Variants in CRACDL observed in about 807,000 individuals in gnomAD.
The protein encoded by CRACDL is CRACD like.
In CRACDL, 26 loss-of-function variants were observed where a neutral mutation model predicts 70.6. That is an observed-to-expected ratio of 0.37 (90% CI 0.27 to 0.51). CRACDL has a LOEUF of 0.51. CRACDL is among the 20% of genes least tolerant of loss of function. CRACDL has a pLI of 0.94. For missense variants in CRACDL, 1,283 were observed against 1,376.9 expected (o/e 0.93, Z 1.08); for synonymous variants, 618 against 615.2 (o/e 1.00, Z -0.07).
At chr2:98,839,884 T>C (rs998705407) in intron 2 of CRACDL, among the ~76,000 whole-genome samples, 3 of 152,222 alleles carry the variant, frequency 2.0e-5, no homozygotes, top group Non-Finnish European at 4.4e-5. Context: ...CTGATATTAA[T>C]TATCATAAAT....
At chr2:98,925,362 C>T (rs1167966682) in intron 1 of CRACDL, among the ~76,000 whole-genome samples, 4 of 152,172 alleles carry the variant, frequency 2.6e-5, no homozygotes, top group East Asian at 1.9e-4. Context: ...TCCAAGTTCT[C>T]GGCTTGAGAC....
intron 7 of CRACDL, among the ~76,000 whole-genome samples, chr2:98,802,479 A>G (rs1176126843): frequency 6.6e-6 from 1 of 152,230 alleles, no homozygotes; most frequent in African/African-American, 2.4e-5. Context: ...TTACTGAGCT[A>G]TTTGTATTCG....
chr2:98,796,791 C>G (rs1412381044), intron 8 of CRACDL, among the ~76,000 whole-genome samples: 1 of 152,114 alleles, frequency 6.6e-6, no homozygotes, highest in Non-Finnish European at 1.5e-5. Context: ...AATTGCGAGT[C>G]TCGGCCTGAT....
intron 1 of CRACDL, among the ~76,000 whole-genome samples, chr2:98,864,726 T>C (rs1237147627): frequency 6.6e-6 from 1 of 152,130 alleles, no homozygotes; most frequent in Non-Finnish European, 1.5e-5. Flanking sequence ...TTTGCATTTT[T>C]AGTAGAGACG....
chr2:98,805,953 A>G (rs538904633), intron 7 of CRACDL, among the ~76,000 whole-genome samples: 3 of 152,374 alleles, frequency 2.0e-5, no homozygotes, highest in East Asian at 3.9e-4. Context: ...CTGCTTTAAC[A>G]GCCCTGGTAG....
intron 1 of CRACDL, among the ~76,000 whole-genome samples, chr2:98,851,772 T>C (rs1458110038): frequency 1.3e-5 from 2 of 152,182 alleles, no homozygotes; most frequent in African/African-American, 2.4e-5. Context: ...AGGTTAGACT[T>C]CCAAGTGGTA....
At chr2:98,860,978 A>G (rs549867859) in intron 1 of CRACDL, among the ~76,000 whole-genome samples, 31 of 152,258 alleles carry the variant, frequency 2.0e-4, no homozygotes, top group Non-Finnish European at 4.0e-4. Flanking sequence ...AAACTTACAC[A>G]AAGAAGGCAT....
chr2:98,929,641 C>G (rs1372142519), intron 1 of CRACDL, among the ~76,000 whole-genome samples: 1 of 152,144 alleles, frequency 6.6e-6, no homozygotes, highest in Non-Finnish European at 1.5e-5. Context: ...CAGGCTCCCC[C>G]ATCTGGATGG....
chr2:98,915,431 G>C (rs969581096), intron 1 of CRACDL, among the ~76,000 whole-genome samples: 2 of 152,094 alleles, frequency 1.3e-5, no homozygotes, highest in Non-Finnish European at 2.9e-5. Context: ...CAGGCCATGG[G>C]ACCATAGGGA....
rs1320204141 is a variant in CRACDL at position 98,840,585 on chromosome 2, G to A, written c.71-2298C>T. 2.0e-5 allele frequency: 3 copies of A among 152,074 alleles called. No homozygotes were observed. The East Asian group carries it at 5.8e-4, about 29-fold the overall frequency. The allele number at this position is 152,074 out of a possible 1,614,324, so 9.4% of individuals were successfully genotyped here. On this transcript the variant is annotated intron_variant, in intron 2 of 9. Coordinates refer to ENST00000397899, the MANE Select transcript of CRACDL (RefSeq NM_207362.3). ...GTTTGTTTTATCAATTACTGAGAGA[G>A]ATGTGTTAAAAATAACCCCACTCTG...
At chr2:98,931,262 T>C (rs1709065147) in intron 1 of CRACDL, among the ~76,000 whole-genome samples, 1 of 148,288 alleles carries the variant, frequency 6.7e-6, no homozygotes, top group African/African-American at 2.5e-5. Context: ...GAGGCAGAGG[T>C]TGCAGTGAGC....
At chr2:98,906,752 T>C (rs1311967754) in intron 1 of CRACDL, among the ~76,000 whole-genome samples, 1 of 152,250 alleles carries the variant, frequency 6.6e-6, no homozygotes, top group East Asian at 1.9e-4. Flanking sequence ...TAGTGATTTT[T>C]TTAATTGTAT....
At chr2:98,850,274 C>T (rs761454974) in intron 1 of CRACDL, among the ~76,000 whole-genome samples, 4 of 152,354 alleles carry the variant, frequency 2.6e-5, no homozygotes, top group Admixed American at 1.3e-4. Context: ...GTCCGGAGTC[C>T]GCAGGCTGCA....
Position 98,811,063 on chromosome 2 carries a change from G to A in CRACDL, c.2416+10794C>T, listed in dbSNP as rs1018797605. Among the ~76,000 whole-genome samples, 5 of 152,150 alleles carry A rather than the reference G, an allele frequency of 3.3e-5. No individual in the cohort carries two copies. The East Asian group carries it at 7.7e-4, about 23-fold the overall frequency. ...TTGTGATTAAAATAAAAGGATCCAC[G>A]TGCCTAGATATGCATGCCCATCTTG... On this transcript the variant is annotated intron_variant, in intron 7 of 9. Coordinates refer to ENST00000397899, the MANE Select transcript of CRACDL (RefSeq NM_207362.3).
intron 1 of CRACDL, among the ~76,000 whole-genome samples, chr2:98,900,929 C>T (rs1708263022): frequency 6.6e-6 from 1 of 152,184 alleles, no homozygotes; most frequent in Admixed American, 6.5e-5. Context: ...CACCCGGCTC[C>T]ACCTTCTATA....
Position 98,823,045 on chromosome 2 carries a change from C to T in CRACDL, c.1228G>A (p.Asp410Asn). ...GGGTCAGTCTCGGGGGGAGTCGTGT[C>T]CCCCTCAGGGATGGCGGTGGGAAAC... ...SPFPTAIPEG[D>N]TTPPETDPAA... The change falls in exon 7 of 10, where the codon GAC (aspartate) becomes AAC (asparagine). Residue 410 changes from aspartate (D) to asparagine (N), a missense_variant. Around this residue, in one of 2 missense-constraint regions of CRACDL, gnomAD observed 921 missense variants for 881.9 expected, o/e 1.04. Transcript: ENST00000397899. The surrounding 1 kb of genome is among the most constrained non-coding windows in gnomAD (Gnocchi z 4.0). The T allele has an allele frequency of 1.9e-6, 3 of 1,555,406 alleles. No homozygotes were observed. Among genetic ancestry groups the T allele is most frequent in the Non-Finnish European group, 2.6e-6 (3 of 1,152,602 alleles).
At position 98,882,804 on chromosome 2, in the gene CRACDL, G is replaced by C. The variant is rs1707691997; in HGVS notation, c.-10-35994C>G. 2.0e-5 allele frequency among the ~76,000 whole-genome samples: 3 copies of C among 152,290 alleles called. No homozygotes were observed. In the South Asian group the frequency reaches 6.2e-4, roughly 32 times the overall value. ...CCATTTTTAGATCTGTAGAACAAAGGGGCTTGGGATACTTTCAGGACTTTC... is the reference window on the plus strand; with the variant it reads ...CCATTTTTAGATCTGTAGAACAAAGCGGCTTGGGATACTTTCAGGACTTTC... On this transcript the variant is annotated intron_variant, in intron 1 of 9. Transcript: ENST00000397899.
At chr2:98,872,377 CAT>C (rs1707373127) in intron 1 of CRACDL, among the ~76,000 whole-genome samples, 1 of 152,064 alleles carries the variant, frequency 6.6e-6, no homozygotes, top group Admixed American at 6.6e-5. Flanking sequence ...GAAAAGACCA[CAT>C]GTTCTCACTT....
At chr2:98,897,277 A>G (rs1017656602) in intron 1 of CRACDL, 1 of 641,292 alleles carries the variant, frequency 1.6e-6, no homozygotes. Context: ...AAGCTGTTGC[A>G]TGTACCGGTG....
Sources: gnomAD v4.1 joint callset for allele counts (sites outside exome capture counted in the v4.1 genomes callset) on GRCh38, gnomAD v4.1.1 for gene constraint, gnomAD v4.1.1 regional missense constraint, Gnocchi (gnomAD v3.1) non-coding constraint, MANE v1.5 for transcripts, NCBI Gene and HGNC (gene_info 2026-07-23, HGNC 2026-07-21) for gene names.